Variants in PDE4D observed in about 807,000 individuals in gnomAD.
The protein encoded by PDE4D is 3',5'-cyclic-AMP phosphodiesterase 4D.
PDE4D carries 24 observed loss-of-function variants against 87.4 expected under a neutral mutation model. That is an observed-to-expected ratio of 0.27 (90% confidence interval 0.20 to 0.39). The LOEUF (loss-of-function observed/expected upper bound fraction) is 0.39, where lower values mean the gene tolerates loss of function less well. Among genes scored for constraint, PDE4D ranks in the 10% least tolerant of loss-of-function variants. PDE4D has a pLI of 1.00. For missense variants in PDE4D, 714 were observed against 1,041.0 expected (o/e 0.69, Z 4.32); for synonymous variants, 384 against 383.2 (o/e 1.00, Z -0.02).
Position 59,854,203 on chromosome 5 carries a change from G to A in PDE4D, c.455+38965C>T, listed in dbSNP as rs151269198. Among the ~76,000 whole-genome samples, 50 of 152,162 alleles carry A rather than the reference G, an allele frequency of 3.3e-4. 4 individuals are homozygous for A. Among genetic ancestry groups the A allele is most frequent in the African/African-American group, 1.1e-3 (47 of 41,542 alleles). On this transcript the variant is annotated intron_variant, in intron 1 of 14. Coordinates refer to ENST00000340635, the MANE Select transcript of PDE4D (RefSeq NM_001104631.2). ...TTCTCATTTTTAGAGAAATCTGATA[G>A]ACTGGAGATGGCATCTTGGTTGTTT...
At chr5:59,451,043 T>G (rs1026431626) in intron 1 of PDE4D, among the ~76,000 whole-genome samples, 1 of 152,226 alleles carries the variant, frequency 6.6e-6, no homozygotes, top group Non-Finnish European at 1.5e-5. Flanking sequence ...ATCTTGATTC[T>G]CCCTTTGTAC....
chr5:59,235,846 T>C (rs569788454), intron 1 of PDE4D, among the ~76,000 whole-genome samples: 3 of 152,200 alleles, frequency 2.0e-5, no homozygotes, highest in Non-Finnish European at 4.4e-5. Context: ...TAATGCTTTA[T>C]AGTGTATGGT....
chr5:59,736,993 G>A (rs1201017244), intron 1 of PDE4D, among the ~76,000 whole-genome samples: 1 of 152,038 alleles, frequency 6.6e-6, no homozygotes, highest in African/African-American at 2.4e-5. Context: ...AAAATAATAT[G>A]TGCATAATAT....
intron 1 of PDE4D, among the ~76,000 whole-genome samples, chr5:60,366,586 G>T: frequency 6.6e-6 from 1 of 152,132 alleles, no homozygotes; most frequent in African/African-American, 2.4e-5. Flanking sequence ...AACCTTAGTG[G>T]CAATCAAGGC....
chr5:60,275,032 T>C (rs918147302), intron 1 of PDE4D, among the ~76,000 whole-genome samples: 2 of 152,200 alleles, frequency 1.3e-5, no homozygotes, highest in South Asian at 4.1e-4. Flanking sequence ...AAGGAGTTGT[T>C]AAAACAGAGA....
chr5:59,465,614 C>A (rs1316786106), intron 1 of PDE4D, among the ~76,000 whole-genome samples: 1 of 152,154 alleles, frequency 6.6e-6, no homozygotes, highest in Non-Finnish European at 1.5e-5. Context: ...TACCCAACAT[C>A]CAGCATGAAA....
At chr5:59,751,924 A>C (rs1021868988) in intron 1 of PDE4D, among the ~76,000 whole-genome samples, 45 of 152,114 alleles carry the variant, frequency 3.0e-4, no homozygotes, top group African/African-American at 1.1e-3. Context: ...GTTGCAGTGA[A>C]TATTCAATGA....
At chr5:60,430,419 G>A (rs1357832161) in intron 1 of PDE4D, 14 of 318,026 alleles carry the variant, frequency 4.4e-5, no homozygotes, top group Admixed American at 2.2e-4. Context: ...TGAGGGCCTC[G>A]ACCCTAGCTT....
chr5:59,183,338 T>C (rs540608780), intron 4 of PDE4D, among the ~76,000 whole-genome samples: 1 of 152,310 alleles, frequency 6.6e-6, no homozygotes, highest in East Asian at 1.9e-4. Flanking sequence ...TATGATTTTC[T>C]GTTTTCTTCT....
At chr5:59,183,410 G>T (rs993946089) in intron 4 of PDE4D, among the ~76,000 whole-genome samples, 2 of 152,076 alleles carry the variant, frequency 1.3e-5, no homozygotes, top group Admixed American at 1.3e-4. Context: ...CTTCTGTCTT[G>T]CATAGAAACA....
chr5:60,450,351 C>G (rs940526538), intron 1 of PDE4D, among the ~76,000 whole-genome samples: 7 of 152,044 alleles, frequency 4.6e-5, no homozygotes, highest in African/African-American at 1.7e-4. Flanking sequence ...TTGCCCCAAT[C>G]TGACATAAAT....
intron 5 of PDE4D, among the ~76,000 whole-genome samples, chr5:59,090,807 C>CTTTTTTTTTTTTTTTTTTT (rs61610340): frequency 1.9e-5 from 2 of 106,024 alleles, no homozygotes; most frequent in Admixed American, 1.1e-4. Flanking sequence ...TTTTCTTTTT[C>CTTTTTTTTTTTTTTTTTTT]TTTTTTTTTT....
chr5:59,759,240 TA>T (rs1235961088), intron 1 of PDE4D, among the ~76,000 whole-genome samples: 1 of 152,152 alleles, frequency 6.6e-6, no homozygotes, highest in Non-Finnish European at 1.5e-5. Flanking sequence ...GAATATTTTT[TA>T]AAAAATCAAA....
At chr5:60,054,728 A>C (rs1770593229) in intron 2 of PDE4D, among the ~76,000 whole-genome samples, 1 of 152,238 alleles carries the variant, frequency 6.6e-6, no homozygotes, top group African/African-American at 2.4e-5. Context: ...TCAAGAGTTC[A>C]TAAGCCTTTT....
At chr5:60,328,140 A>G (rs1235827559) in intron 1 of PDE4D, among the ~76,000 whole-genome samples, 21 of 152,174 alleles carry the variant, frequency 1.4e-4, no homozygotes, top group Admixed American at 1.4e-3. Flanking sequence ...ATGGCTGGAT[A>G]TCTAGCTCTA....
chr5:60,494,608 T>A (rs1488205644), intron 1 of PDE4D, among the ~76,000 whole-genome samples: 1 of 152,208 alleles, frequency 6.6e-6, no homozygotes, highest in Non-Finnish European at 1.5e-5. Context: ...GATTCTTCTT[T>A]GTGGCCCACA....
intron 1 of PDE4D, among the ~76,000 whole-genome samples, chr5:59,371,606 T>C (rs146486895): frequency 1.3e-5 from 2 of 152,170 alleles, no homozygotes; most frequent in Admixed American, 6.5e-5. Flanking sequence ...GAAAAAAAGG[T>C]CTGTCCATGG....
intron 1 of PDE4D, among the ~76,000 whole-genome samples, chr5:59,681,231 G>T (rs759638586): frequency 3.3e-5 from 5 of 152,124 alleles, no homozygotes; most frequent in Non-Finnish European, 5.9e-5. Flanking sequence ...GAGTCAACTA[G>T]AAGTACCTTG....
At chr5:59,990,291 G>C (rs1276343885) in intron 2 of PDE4D, among the ~76,000 whole-genome samples, 3 of 152,166 alleles carry the variant, frequency 2.0e-5, no homozygotes, top group Non-Finnish European at 4.4e-5. Context: ...ATCTGGCAAA[G>C]AGTTTGCACT....
Sources: gnomAD v4.1 joint callset for allele counts (sites outside exome capture counted in the v4.1 genomes callset) on GRCh38, gnomAD v4.1.1 for gene constraint, MANE v1.5 for transcripts, NCBI Gene and HGNC (gene_info 2026-07-23, HGNC 2026-07-21) for gene names.